NBAS: variants seen among roughly 807,000 people sequenced by gnomAD.
The protein encoded by NBAS is NBAS subunit of NRZ tethering complex.
NBAS carries 219 observed loss-of-function variants against 302.5 expected under a neutral mutation model. The observed-to-expected ratio is 0.72, with a 90% CI of 0.65 to 0.81. NBAS has a LOEUF of 0.81. Among genes scored for constraint, NBAS ranks in the 30% least tolerant of loss-of-function variants. NBAS has a pLI of 0.00. For synonymous variants in NBAS, 1,118 were observed against 1,021.6 expected, an observed-to-expected ratio of 1.09 and a Z score of -1.80; for missense variants, 2,932 against 2,841.6, an observed-to-expected ratio of 1.03 and a Z score of -0.72.
the NBAS span, among the ~76,000 whole-genome samples, chr2:14,944,240 C>A: frequency 6.6e-6 from 1 of 152,076 alleles, no homozygotes; most frequent in Non-Finnish European, 1.5e-5. Context: ...GCGGAGCTTG[C>A]AGTGAGCCGA....
intron 28 of NBAS, among the ~76,000 whole-genome samples, chr2:15,384,581 T>G (rs1194556480): frequency 6.6e-6 from 1 of 150,756 alleles, no homozygotes; most frequent in East Asian, 2.0e-4. Context: ...GAATCTGAAA[T>G]TACAAATACA....
At chr2:15,134,855 T>C in the NBAS span, among the ~76,000 whole-genome samples, 34 of 152,346 alleles carry the variant, frequency 2.2e-4, no homozygotes, top group African/African-American at 7.7e-4. Context: ...CAGTAACAAG[T>C]GGCTCCTGAA....
chr2:15,287,130 C>A lies in NBAS; in HGVS notation c.5081G>T (p.Ser1694Ile). 1 of 1,614,060 alleles carries A rather than the reference C, an allele frequency of 6.2e-7. No individual in the cohort carries two copies. The highest frequency in any genetic ancestry group is 8.5e-7 in the Non-Finnish European group (1 of 1,179,916). Reference sequence around the variant, plus strand: ...CATAAAAACTTCCCAGCGGGAGACACTGTAACGTTGTGCCAGAGAAATAGC... The same window carrying A: ...CATAAAAACTTCCCAGCGGGAGACAATGTAACGTTGTGCCAGAGAAATAGC... ...SIAISLAQRY[S>I]VSRWEVFMTH... The change falls in exon 42 of 52, where the codon AGT becomes ATT. Residue 1694 changes from serine to isoleucine, a missense_variant. Coordinates refer to ENST00000281513, the MANE Select transcript of NBAS (RefSeq NM_015909.4).
chr2:15,331,480 T>C (rs1325394650), intron 35 of NBAS, among the ~76,000 whole-genome samples: 1 of 152,218 alleles, frequency 6.6e-6, no homozygotes, highest in Non-Finnish European at 1.5e-5. Context: ...TTAGTGTCTA[T>C]CCACTTCCAC....
chr2:15,393,846 A>T (rs977321625), intron 28 of NBAS: 5 of 402,006 alleles, frequency 1.2e-5, no homozygotes, highest in Non-Finnish European at 2.0e-5. Context: ...CCAAACAAAC[A>T]CACAAACAAA....
At chr2:15,045,626 A>G in the NBAS span, among the ~76,000 whole-genome samples, 2 of 152,182 alleles carry the variant, frequency 1.3e-5, no homozygotes, top group Admixed American at 1.3e-4. Context: ...ACAAACACTT[A>G]GGTTGTTTCC....
At chr2:15,300,332 A>T (rs1259035094) in intron 40 of NBAS, among the ~76,000 whole-genome samples, 5 of 152,240 alleles carry the variant, frequency 3.3e-5, no homozygotes, top group Non-Finnish European at 2.9e-5. Context: ...GCAGGCAACA[A>T]ATTGAAACCA....
intron 38 of NBAS, among the ~76,000 whole-genome samples, chr2:15,325,095 A>G (rs1411055120): frequency 6.6e-6 from 1 of 152,182 alleles, no homozygotes; most frequent in Admixed American, 6.5e-5. Context: ...CATCTTTAAG[A>G]CCTTTAACTA....
At chr2:15,207,972 C>T (rs1034194746) in intron 48 of NBAS, among the ~76,000 whole-genome samples, 1 of 152,172 alleles carries the variant, frequency 6.6e-6, no homozygotes, top group Non-Finnish European at 1.5e-5. Flanking sequence ...AAGGTCAATT[C>T]AGCAAGAGGA....
intron 35 of NBAS, among the ~76,000 whole-genome samples, chr2:15,346,921 T>C (rs556997428): frequency 5.9e-5 from 9 of 152,154 alleles, no homozygotes; most frequent in Non-Finnish European, 1.2e-4. Flanking sequence ...AAACACCACA[T>C]GTTCTCACTC....
intron 9 of NBAS, among the ~76,000 whole-genome samples, chr2:15,521,788 C>A (rs1480308089): frequency 6.6e-6 from 1 of 152,096 alleles, no homozygotes. Flanking sequence ...AACTCCAGCC[C>A]CTCAAATCAA....
intron 44 of NBAS, among the ~76,000 whole-genome samples, chr2:15,269,165 G>A (rs995056934): frequency 6.6e-6 from 1 of 152,166 alleles, no homozygotes; most frequent in Admixed American, 6.5e-5. Context: ...ACTTAACTGA[G>A]AGGAACACGG....
the NBAS span, among the ~76,000 whole-genome samples, chr2:14,909,023 T>C: frequency 3.9e-5 from 6 of 152,160 alleles, no homozygotes; most frequent in African/African-American, 1.4e-4. Context: ...CAAATGATTC[T>C]AAATTGTGGC....
chr2:14,843,499 AGGCTCCACTGATCATCCTCCCC>A, the NBAS span, among the ~76,000 whole-genome samples: 14 of 151,952 alleles, frequency 9.2e-5, no homozygotes, highest in African/African-American at 3.1e-4. Flanking sequence ...GACAAATATG[AGGCTCCACTGATCATCCTCCCC>A]ACAAGGCACC....
chr2:15,070,885 A>G, the NBAS span, among the ~76,000 whole-genome samples: 1 of 152,220 alleles, frequency 6.6e-6, no homozygotes, highest in African/African-American at 2.4e-5. Flanking sequence ...TTTATCTCAC[A>G]GCAGCACCTA....
At chr2:14,963,983 C>T in the NBAS span, among the ~76,000 whole-genome samples, 4 of 152,088 alleles carry the variant, frequency 2.6e-5, no homozygotes, top group African/African-American at 4.8e-5. Flanking sequence ...TAAATGCTAC[C>T]GTAGCCTAGC....
At chr2:15,522,496 A>G (rs1403896784) in intron 9 of NBAS, among the ~76,000 whole-genome samples, 1 of 152,228 alleles carries the variant, frequency 6.6e-6, no homozygotes. Context: ...ATGTTCAGTA[A>G]GCGAGTGAAT....
chr2:15,020,332 T>A, the NBAS span, among the ~76,000 whole-genome samples: 1,944 of 152,280 alleles, frequency 0.013, 39 homozygotes, highest in African/African-American at 0.035. Context: ...AAGGGTGATA[T>A]GAGGAATAAA....
the NBAS span, among the ~76,000 whole-genome samples, chr2:14,832,529 C>A: frequency 2.1e-3 from 322 of 152,228 alleles, no homozygotes; most frequent in South Asian, 8.5e-3. Flanking sequence ...AAGAACCACT[C>A]CTCCTACTCT....
Sources: allele counts gnomAD v4.1 joint callset (sites outside exome capture counted in the v4.1 genomes callset), GRCh38; gene constraint gnomAD v4.1.1; transcripts MANE v1.5; gene names NCBI Gene and HGNC (gene_info 2026-07-23, HGNC 2026-07-21).